The following ADK variants were observed in gnomAD, a reference collection of about 807,000 sequenced individuals.
ADK encodes the protein adenosine kinase.
In ADK, 24 loss-of-function variants were observed where a neutral mutation model predicts 44.7. That is an observed-to-expected ratio of 0.54 (90% CI 0.39 to 0.76). ADK has a LOEUF of 0.76. Among genes scored for constraint, ADK ranks in the 30% least tolerant of loss-of-function variants. The pLI, the probability that ADK is intolerant of heterozygous loss-of-function variation, is 0.00. For synonymous variants in ADK, 128 were observed against 142.6 expected (o/e 0.90, Z 0.73); for missense variants, 321 against 425.1 (o/e 0.76, Z 2.15).
At chr10:74,394,436 AT>A in intron 5 of ADK, 123 bp downstream of exon 5, 1 of 926,102 alleles carries the variant, frequency 1.1e-6, no homozygotes, top group Non-Finnish European at 1.7e-6. Context: ...ATAAATGCTT[AT>A]TCCTTATATC....
At chr10:74,407,581 A>G (rs1843995556) in intron 6 of ADK, among the ~76,000 whole-genome samples, 1 of 152,088 alleles carries the variant, frequency 6.6e-6, no homozygotes, top group Non-Finnish European at 1.5e-5. Context: ...GAAGACTCCA[A>G]AGGAATCCCT....
At chr10:74,516,476 T>C (rs182290918) in intron 6 of ADK, among the ~76,000 whole-genome samples, 1 of 152,258 alleles carries the variant, frequency 6.6e-6, no homozygotes, top group East Asian at 1.9e-4. Flanking sequence ...GTATCCCTAC[T>C]CAGCCATCTT....
intron 4 of ADK, among the ~76,000 whole-genome samples, chr10:74,339,507 C>A (rs1841517418): frequency 6.6e-6 from 1 of 152,124 alleles, no homozygotes; most frequent in African/African-American, 2.4e-5. Flanking sequence ...CGTATCTCAG[C>A]CTATATCCCT....
chr10:74,186,319 G>A (rs182915026), intron 1 of ADK, among the ~76,000 whole-genome samples: 5 of 146,946 alleles, frequency 3.4e-5, no homozygotes, highest in South Asian at 2.1e-4. Context: ...TTACTTTGTC[G>A]CCCGGGCTTG....
At position 74,374,262 on chromosome 10, in the gene ADK, A is replaced by AAAGGGATG. The variant is rs375279479; in HGVS notation, c.274-19876_274-19869dup. Among the ~76,000 whole-genome samples the AAAGGGATG allele has an allele frequency of 3.5e-3, 526 of 152,280 alleles. 3 individuals are homozygous for AAAGGGATG. Among genetic ancestry groups the AAAGGGATG allele is most frequent in the African/African-American group, 0.011 (470 of 41,566 alleles). ...TAAACACCATTGAACTGTACACTTC[A>AAAGGGATG]AAGGGATGAATTGCATAGTATGTGA... On this transcript the variant is annotated intron_variant, in intron 4 of 10. Transcript: ENST00000539909.
intron 3 of ADK, among the ~76,000 whole-genome samples, chr10:74,266,106 A>T (rs534869281): frequency 6.6e-6 from 1 of 152,300 alleles, no homozygotes; most frequent in South Asian, 2.1e-4. Flanking sequence ...AGGATTACTA[A>T]AGAAAAACAG....
chr10:74,234,209 C>T (rs2132276569), intron 3 of ADK, among the ~76,000 whole-genome samples: 1 of 152,274 alleles, frequency 6.6e-6, no homozygotes, highest in Admixed American at 6.5e-5. Context: ...ACCTTGAAAA[C>T]TCTATGTTGA....
At chr10:74,439,108 A>G (rs185283480) in intron 6 of ADK, among the ~76,000 whole-genome samples, 12 of 152,322 alleles carry the variant, frequency 7.9e-5, no homozygotes, top group Non-Finnish European at 1.5e-4. Flanking sequence ...GAAAGTTATT[A>G]CTTTAGCTTT....
At chr10:74,617,772 T>C (rs1196204693) in intron 9 of ADK, among the ~76,000 whole-genome samples, 1 of 152,042 alleles carries the variant, frequency 6.6e-6, no homozygotes, top group Admixed American at 6.6e-5. Context: ...TTAAATTTTT[T>C]GAAGAGACGA....
chr10:74,476,306 C>T (rs1035477445), intron 6 of ADK, among the ~76,000 whole-genome samples: 2 of 151,962 alleles, frequency 1.3e-5, no homozygotes, highest in Admixed American at 1.3e-4. Context: ...GCAGCCTTAC[C>T]AACATGGAGA....
intron 4 of ADK, among the ~76,000 whole-genome samples, chr10:74,350,460 C>G (rs1226271557): frequency 6.6e-6 from 1 of 152,132 alleles, no homozygotes; most frequent in Non-Finnish European, 1.5e-5. Context: ...CTTCAGACAG[C>G]TGGAAAGATC....
At chr10:74,641,108 G>A (rs1249367188) in intron 9 of ADK, among the ~76,000 whole-genome samples, 3 of 152,172 alleles carry the variant, frequency 2.0e-5, no homozygotes, top group Non-Finnish European at 2.9e-5. Flanking sequence ...TCAAAAGTTA[G>A]GGGCCTAGTA....
At chr10:74,638,982 A>T (rs1853727188) in intron 9 of ADK, among the ~76,000 whole-genome samples, 2 of 151,828 alleles carry the variant, frequency 1.3e-5, no homozygotes, top group African/African-American at 4.8e-5. Context: ...CAATTTTTAA[A>T]TTTTTTTGTA....
intron 6 of ADK, among the ~76,000 whole-genome samples, chr10:74,517,558 G>A (rs1848640196): frequency 6.6e-6 from 1 of 151,778 alleles, no homozygotes; most frequent in South Asian, 2.1e-4. Flanking sequence ...GCGTCGTGGT[G>A]CATGCCTGTA....
chr10:74,642,827 CTTTTTTTTTTT>C (rs770015945), intron 9 of ADK, among the ~76,000 whole-genome samples: 1 of 77,492 alleles, frequency 1.3e-5, no homozygotes, highest in African/African-American at 4.6e-5. Context: ...ATCTTAAGTT[CTTTTTTTTTTT>C]TTTTTTTTTT....
chr10:74,312,116 A>C (rs1306859606), intron 3 of ADK, among the ~76,000 whole-genome samples: 1 of 152,148 alleles, frequency 6.6e-6, no homozygotes, highest in African/African-American at 2.4e-5. Flanking sequence ...CAGTGAGCCG[A>C]GATCGCGCCA....
At chr10:74,411,723 A>G (rs891212418) in intron 6 of ADK, among the ~76,000 whole-genome samples, 1 of 152,210 alleles carries the variant, frequency 6.6e-6, no homozygotes, top group South Asian at 2.1e-4. Context: ...AGTTTGCCAC[A>G]TCAATTGACT....
At chr10:74,293,591 C>T (rs1316878515) in intron 3 of ADK, among the ~76,000 whole-genome samples, 1 of 151,968 alleles carries the variant, frequency 6.6e-6, no homozygotes, top group African/African-American at 2.4e-5. Context: ...TTTCTTATAT[C>T]TTATAGTTAC....
At chr10:74,579,550 G>A (rs1477544339) in intron 7 of ADK, among the ~76,000 whole-genome samples, 1 of 152,152 alleles carries the variant, frequency 6.6e-6, no homozygotes, top group Non-Finnish European at 1.5e-5. Flanking sequence ...GAAAATGAAT[G>A]AGGCATCCCT....
Sources: allele counts gnomAD v4.1 joint callset (sites outside exome capture counted in the v4.1 genomes callset), GRCh38; gene constraint gnomAD v4.1.1; transcripts MANE v1.5; gene names NCBI Gene and HGNC (gene_info 2026-07-23, HGNC 2026-07-21).